ZNF257: variants seen among roughly 807,000 people sequenced by gnomAD.
ZNF257 encodes the protein bone marrow zinc finger 4.
ZNF257 carries 12 observed loss-of-function variants against 11.9 expected under a neutral mutation model. The observed-to-expected ratio is 1.01, with a 90% CI of 0.65 to 1.63. The LOEUF (loss-of-function observed/expected upper bound fraction) is 1.63, where lower values mean the gene tolerates loss of function less well. ZNF257 is among the 40% of genes most tolerant of loss of function. The pLI, the probability that ZNF257 is intolerant of heterozygous loss-of-function variation, is 0.00. For synonymous variants in ZNF257, 183 were observed against 222.7 expected (o/e 0.82, Z 1.59); for missense variants, 580 against 665.5 (o/e 0.87, Z 1.41).
chr19:22,086,801 T>C (rs576772474), intron 3 of ZNF257, among the ~76,000 whole-genome samples: 2 of 152,170 alleles, frequency 1.3e-5, no homozygotes, highest in African/African-American at 4.8e-5. Context: ...AGTGTGTAAC[T>C]CTATGCCAAT....
At chr19:22,058,939 C>G (rs1197204276) in intron 1 of ZNF257, among the ~76,000 whole-genome samples, 2 of 152,034 alleles carry the variant, frequency 1.3e-5, no homozygotes. Context: ...CTACAAGTCT[C>G]CTGGCATATC....
chr19:22,078,685 TG>T (rs2022287896), intron 3 of ZNF257, among the ~76,000 whole-genome samples: 1 of 152,096 alleles, frequency 6.6e-6, no homozygotes, highest in African/African-American at 2.4e-5. Context: ...TCTAAAAAAT[TG>T]GTTAATTATT....
intron 1 of ZNF257, chr19:22,063,957 T>C (rs2021872477): frequency 6.6e-6 from 1 of 152,168 alleles, no homozygotes; most frequent in South Asian, 2.1e-4. Context: ...TGGGGTGTTG[T>C]AGTCTCCTAC....
At chr19:22,069,086 C>T (rs1223682265) in intron 1 of ZNF257, among the ~76,000 whole-genome samples, 1 of 152,046 alleles carries the variant, frequency 6.6e-6, no homozygotes, top group Non-Finnish European at 1.5e-5. Context: ...ATTGCTGGTA[C>T]TTGGGAGGAA....
intron 1 of ZNF257, chr19:22,060,477 C>T (rs2021765251): frequency 7.0e-6 from 1 of 141,926 alleles, no homozygotes; most frequent in Non-Finnish European, 1.5e-5. Flanking sequence ...TGTCTTTTGC[C>T]TACTTTTTCT....
At chr19:22,060,170 C>T (rs1352640061) in intron 1 of ZNF257, among the ~76,000 whole-genome samples, 1 of 152,168 alleles carries the variant, frequency 6.6e-6, no homozygotes, top group East Asian at 1.9e-4. Context: ...GGTATGTACC[C>T]AATTAAGAGG....
At position 22,088,908 on chromosome 19, in the gene ZNF257, C is replaced by A. The variant is rs375438382; in HGVS notation, c.1158C>A (p.His386Gln). The A allele has an allele frequency of 1.6e-5, 25 of 1,612,074 alleles. No individual in the cohort carries two copies. The highest frequency in any genetic ancestry group is 1.6e-4 in the Middle Eastern group (1 of 6,080). ...GAAAAGCCTTTAACCGGTCTTCACA[C>A]CTTACTAAACATAAGAGAATTCATA... is the stretch of plus-strand genomic sequence containing the variant. The part of the protein sequence containing the change: ...ECGKAFNRSS[H>Q]LTKHKRIHTR... The change falls in exon 4 of 4, where the codon CAC becomes CAA. Residue 386 changes from histidine to glutamine, a missense_variant. His to Gln is a conservative substitution (Grantham distance 24). Coordinates refer to ENST00000594947, the MANE Select transcript of ZNF257 (RefSeq NM_033468.4).
chr19:22,056,316 T>G (rs62112958), intron 1 of ZNF257, among the ~76,000 whole-genome samples: 19,448 of 151,866 alleles, frequency 0.13, 1,434 homozygotes, highest in Middle Eastern at 0.2. Context: ...AATTTTTGTA[T>G]TTTTAGTAGA....
chr19:22,065,069 T>C (rs988555462), intron 1 of ZNF257, among the ~76,000 whole-genome samples: 1 of 151,092 alleles, frequency 6.6e-6, no homozygotes, highest in Non-Finnish European at 1.5e-5. Context: ...AAAAAAAAAG[T>C]ATTTTCTACA....
intron 2 of ZNF257, 73 bp downstream of exon 2, chr19:22,073,008 A>G (rs1318899479): frequency 2.2e-6 from 3 of 1,354,670 alleles, no homozygotes; most frequent in Non-Finnish European, 2.9e-6. Context: ...TTTTTTTTGT[A>G]GAATGTTTTT....
chr19:22,085,773 A>G (rs1022888007), intron 3 of ZNF257, among the ~76,000 whole-genome samples: 2 of 151,954 alleles, frequency 1.3e-5, no homozygotes, highest in Admixed American at 1.3e-4. Context: ...TTATTGCTTA[A>G]TGTCCTTTGT....
At chr19:22,084,125 A>G (rs1032619403) in intron 3 of ZNF257, among the ~76,000 whole-genome samples, 1 of 147,890 alleles carries the variant, frequency 6.8e-6, no homozygotes, top group African/African-American at 2.6e-5. Context: ...GGGGGACAAG[A>G]GCAAGACTTC....
intron 1 of ZNF257, among the ~76,000 whole-genome samples, chr19:22,058,512 CAG>C: frequency 6.6e-6 from 1 of 152,136 alleles, no homozygotes; most frequent in East Asian, 1.9e-4. Context: ...AGCCCTGAAT[CAG>C]GGTCTGTGCT....
rs1055554850 is a variant in ZNF257, at chr19:22,090,198, A to G, written c.*756A>G. 2.0e-5 allele frequency: 3 copies of G among 152,154 alleles called. 1 individual carries two copies. Among genetic ancestry groups the G allele is most frequent in the African/African-American group, 4.8e-5 (2 of 41,420 alleles). 9.4% of individuals were successfully genotyped at this position (152,154 alleles called of 1,614,324 possible). A position where few individuals can be genotyped will look rare whatever the true frequency, so the allele number is the denominator to read the frequency against. ...ACTTAATAAAAGTATTATAAATACA[A>G]TTACTGTCAAATGATCTTTCAGAAA... On this transcript the variant is annotated 3_prime_UTR_variant, in exon 4 of 4. Coordinates refer to ENST00000594947, the MANE Select transcript of ZNF257 (RefSeq NM_033468.4).
intron 3 of ZNF257, chr19:22,075,237 GTAGGGCAGACAC>G: frequency 5.9e-6 from 1 of 170,570 alleles, no homozygotes; most frequent in Middle Eastern, 2.6e-3. Context: ...ACTTTGCTCT[GTAGGGCAGACAC>G]TAGGGCAGGT....
chr19:22,052,848 A>G (rs376341154), intron 1 of ZNF257, among the ~76,000 whole-genome samples: 1 of 151,994 alleles, frequency 6.6e-6, no homozygotes, highest in Non-Finnish European at 1.5e-5. Context: ...TTCCCTGCGC[A>G]GTGACTGTGC....
intron 1 of ZNF257, among the ~76,000 whole-genome samples, chr19:22,056,817 G>A (rs1035186923): frequency 2.6e-5 from 4 of 152,010 alleles, no homozygotes; most frequent in Non-Finnish European, 4.4e-5. Flanking sequence ...ATTATGGCTG[G>A]GTGGTTTCAA....
At chr19:22,082,247 A>T (rs1360077166) in intron 3 of ZNF257, among the ~76,000 whole-genome samples, 3 of 152,126 alleles carry the variant, frequency 2.0e-5, no homozygotes, top group Non-Finnish European at 4.4e-5. Context: ...AAAGGATTCC[A>T]TGTGTGTCTG....
chr19:22,073,993 C>T lies in ZNF257; in HGVS notation c.226+429C>T, dbSNP rs140727836. Among the ~76,000 whole-genome samples the T allele has an allele frequency of 2.5e-3, 385 of 152,080 alleles. 2 individuals carry two copies. The highest frequency in any genetic ancestry group is 9.0e-3 in the African/African-American group (372 of 41,482). Reference sequence around the variant, plus strand: ...TGTTCCATTGAATTTTTTAATTTTTCTGCACATTTCATCCTTTTTCTTTAG... The same window carrying T: ...TGTTCCATTGAATTTTTTAATTTTTTTGCACATTTCATCCTTTTTCTTTAG... On this transcript the variant is annotated intron_variant, in intron 3 of 3. Coordinates refer to ENST00000594947, the MANE Select transcript of ZNF257 (RefSeq NM_033468.4).
Sources: gnomAD v4.1 joint callset for allele counts (sites outside exome capture counted in the v4.1 genomes callset) on GRCh38, gnomAD v4.1.1 for gene constraint, MANE v1.5 for transcripts, NCBI Gene and HGNC (gene_info 2026-07-23, HGNC 2026-07-21) for gene names.